Variants in BMPR1B observed in about 807,000 individuals in gnomAD.
BMPR1B encodes bone morphogenetic protein receptor type 1B, also known as bone morphogenetic protein receptor type-1B.
Under a neutral mutation model 59.1 loss-of-function variants are expected in BMPR1B, and 12 were observed. The ratio of observed to expected loss-of-function variants is 0.20; its 90% CI spans 0.13 to 0.33. The LOEUF (loss-of-function observed/expected upper bound fraction) is 0.33, where lower values mean the gene tolerates loss of function less well. Ranked by LOEUF, BMPR1B falls within the 10% of genes least tolerant of loss-of-function variation. The pLI, the probability that BMPR1B is intolerant of heterozygous loss-of-function variation, is 1.00. For missense variants in BMPR1B, 550 were observed against 610.9 expected, an observed-to-expected ratio of 0.90 and a Z score of 1.05; for synonymous variants, 237 against 207.3, an observed-to-expected ratio of 1.14 and a Z score of -1.23.
At chr4:94,972,800 T>TA (rs1173516692) in intron 2 of BMPR1B, among the ~76,000 whole-genome samples, 1 of 152,194 alleles carries the variant, frequency 6.6e-6, no homozygotes, top group East Asian at 1.9e-4. Context: ...ATGCTGGCCT[T>TA]AAATTATTTA....
At chr4:94,991,885 C>T (rs1467449906) in intron 2 of BMPR1B, among the ~76,000 whole-genome samples, 2 of 152,148 alleles carry the variant, frequency 1.3e-5, no homozygotes, top group African/African-American at 4.8e-5. Context: ...AGGTTCGAAC[C>T]AGGAAACCAA....
At chr4:94,783,764 G>T (rs1468557594) in intron 1 of BMPR1B, among the ~76,000 whole-genome samples, 2 of 151,790 alleles carry the variant, frequency 1.3e-5, no homozygotes, top group Non-Finnish European at 2.9e-5. Context: ...GGTGTAGAGC[G>T]TTTACCCTGT....
At chr4:94,958,264 G>A (rs1730230393) in intron 2 of BMPR1B, among the ~76,000 whole-genome samples, 1 of 152,174 alleles carries the variant, frequency 6.6e-6, no homozygotes, top group Non-Finnish European at 1.5e-5. Flanking sequence ...GTGTTGATGA[G>A]TAAAGTATTA....
chr4:95,043,715 G>C (rs561223263), intron 3 of BMPR1B, among the ~76,000 whole-genome samples: 1 of 152,244 alleles, frequency 6.6e-6, no homozygotes, highest in South Asian at 2.1e-4. Flanking sequence ...ATGGAGTGTT[G>C]CAATATTTTA....
chr4:94,923,484 G>A (rs1246795103), intron 2 of BMPR1B, among the ~76,000 whole-genome samples: 1 of 152,074 alleles, frequency 6.6e-6, no homozygotes, highest in East Asian at 1.9e-4. Context: ...ACTACTCAAG[G>A]TAATGACTAG....
chr4:94,876,242 C>A (rs1560527754), intron 2 of BMPR1B, among the ~76,000 whole-genome samples: 1 of 152,168 alleles, frequency 6.6e-6, no homozygotes, highest in East Asian at 1.9e-4. Flanking sequence ...ATCACGATAA[C>A]ATGTTTCAGG....
At chr4:95,076,889 A>T (rs1237769495) in intron 3 of BMPR1B, among the ~76,000 whole-genome samples, 1 of 152,174 alleles carries the variant, frequency 6.6e-6, no homozygotes, top group Non-Finnish European at 1.5e-5. Flanking sequence ...ATAGTAGAAG[A>T]TGAAGCTGGA....
At position 95,048,953 on chromosome 4, in the gene BMPR1B, C is replaced by T. The variant is rs116355454; in HGVS notation, c.-18+52819C>T. 3.2e-3 allele frequency among the ~76,000 whole-genome samples: 492 copies of T among 152,164 alleles called. 5 individuals are homozygous for T. The highest frequency in any genetic ancestry group is 0.011 in the African/African-American group (470 of 41,500). On this transcript the variant is annotated intron_variant, in intron 3 of 12. Transcript: ENST00000515059. ...TTAAATTTAAAATGGAGGAAATTAACAGGGATACGTCTTGATTTTTTAAAA... is the reference window on the plus strand; with the variant it reads ...TTAAATTTAAAATGGAGGAAATTAATAGGGATACGTCTTGATTTTTTAAAA...
intron 1 of BMPR1B, among the ~76,000 whole-genome samples, chr4:94,790,120 T>A (rs1022468418): frequency 6.6e-6 from 1 of 152,176 alleles, no homozygotes; most frequent in Non-Finnish European, 1.5e-5. Context: ...CAGTTGACTG[T>A]ATTGGTAAGG....
intron 6 of BMPR1B, among the ~76,000 whole-genome samples, chr4:95,123,100 A>G (rs1291945738): frequency 6.6e-6 from 1 of 152,194 alleles, no homozygotes. Flanking sequence ...AAGTTAAGTC[A>G]TTTATATAAA....
At chr4:94,956,601 A>C (rs1730150043) in intron 2 of BMPR1B, among the ~76,000 whole-genome samples, 1 of 152,174 alleles carries the variant, frequency 6.6e-6, no homozygotes, top group Non-Finnish European at 1.5e-5. Context: ...TATAGAATAG[A>C]GTTCTGCATT....
chr4:94,869,622 A>G (rs1560524507), intron 1 of BMPR1B, among the ~76,000 whole-genome samples: 2 of 152,142 alleles, frequency 1.3e-5, no homozygotes, highest in Non-Finnish European at 1.5e-5. Context: ...TCCATGTTAA[A>G]TGGGTTCAAA....
chr4:94,874,347 A>C (rs1194701047), intron 1 of BMPR1B, among the ~76,000 whole-genome samples: 1 of 152,030 alleles, frequency 6.6e-6, no homozygotes, highest in Non-Finnish European at 1.5e-5. Flanking sequence ...TCATATAGTA[A>C]TTCTGTTTTT....
At chr4:95,003,324 A>G (rs527253605) in intron 3 of BMPR1B, among the ~76,000 whole-genome samples, 1 of 151,816 alleles carries the variant, frequency 6.6e-6, no homozygotes, top group South Asian at 2.1e-4. Flanking sequence ...TTGTGAACTC[A>G]TTTTTATCTT....
At chr4:94,962,271 G>A (rs923872485) in intron 2 of BMPR1B, among the ~76,000 whole-genome samples, 1 of 151,878 alleles carries the variant, frequency 6.6e-6, no homozygotes, top group Non-Finnish European at 1.5e-5. Context: ...TTGTGTAGTG[G>A]GGACTACAGG....
chr4:94,903,260 C>T (rs562014553), intron 2 of BMPR1B, among the ~76,000 whole-genome samples: 123 of 151,908 alleles, frequency 8.1e-4, no homozygotes, highest in Admixed American at 2.4e-3. Flanking sequence ...CAATTTAACC[C>T]CTTACCCCCT....
rs1238052059 is a variant in BMPR1B at position 94,878,629 on chromosome 4, TG to T, written c.-113+2730del. Reference sequence around the variant, plus strand: ...ATGTGGCTCCCAGCCAGATAATAACTGCATTCTGAGTGACTCCATTTTGGTC... The same window carrying T: ...ATGTGGCTCCCAGCCAGATAATAACTCATTCTGAGTGACTCCATTTTGGTC... On this transcript the variant is annotated intron_variant, in intron 2 of 12. Coordinates refer to ENST00000515059, the MANE Select transcript of BMPR1B (RefSeq NM_001203.3). Among the ~76,000 whole-genome samples the T allele has an allele frequency of 3.9e-5, 6 of 152,294 alleles. No homozygotes were observed. The East Asian group carries it at 1.2e-3, about 29-fold the overall frequency.
At chr4:94,938,868 A>G (rs1279108845) in intron 2 of BMPR1B, among the ~76,000 whole-genome samples, 1 of 151,526 alleles carries the variant, frequency 6.6e-6, no homozygotes, top group Non-Finnish European at 1.5e-5. Context: ...TTAATTAGCC[A>G]TGTGTGGGGG....
At chr4:94,769,047 T>C (rs1484955084) in intron 1 of BMPR1B, among the ~76,000 whole-genome samples, 3 of 152,218 alleles carry the variant, frequency 2.0e-5, no homozygotes, top group African/African-American at 4.8e-5. Flanking sequence ...AAAGCTGTTA[T>C]GCATTCTTAA....
Sources: gnomAD v4.1 joint callset for allele counts (sites outside exome capture counted in the v4.1 genomes callset) on GRCh38, gnomAD v4.1.1 for gene constraint, MANE v1.5 for transcripts, NCBI Gene and HGNC (gene_info 2026-07-23, HGNC 2026-07-21) for gene names.